TRPM6: variants seen among roughly 807,000 people sequenced by gnomAD.
The protein encoded by TRPM6 is transient receptor potential cation channel subfamily M member 6, also known as channel kinase 2.
In TRPM6, 111 loss-of-function variants were observed where a neutral mutation model predicts 247.6. That is an observed-to-expected ratio of 0.45 (90% CI 0.38 to 0.52). The LOEUF (loss-of-function observed/expected upper bound fraction) is 0.52. Ranked by LOEUF, TRPM6 falls within the 20% of genes least tolerant of loss-of-function variation. The pLI is 0.00. For synonymous variants in TRPM6, 892 were observed against 853.8 expected, an observed-to-expected ratio of 1.04 and a Z score of -0.78; for missense variants, 2,126 against 2,421.5, an observed-to-expected ratio of 0.88 and a Z score of 2.56.
In TRPM6 at chr9:74,875,411, C is replaced by T. The variant is rs112406191; in HGVS notation, c.33+12413G>A. 2,064 of 326,046 alleles carry T rather than the reference C, an allele frequency of 6.3e-3. 37 individuals are homozygous for T. Among genetic ancestry groups the T allele is most frequent in the African/African-American group, 0.041 (1,893 of 46,390 alleles). The allele number at this position is 326,046 out of a possible 1,614,324, so 20.2% of individuals were successfully genotyped here. On this transcript the variant is annotated intron_variant, in intron 1 of 38. Coordinates refer to ENST00000360774, the MANE Select transcript of TRPM6 (RefSeq NM_017662.5). ...TACAAAAATTAGCCAGACGTGGTGG[C>T]GCACGCCTATAGTTACAACTACTCA...
chr9:74,741,038 C>T (rs1240671782), intron 33 of TRPM6, among the ~76,000 whole-genome samples: 1 of 152,050 alleles, frequency 6.6e-6, no homozygotes, highest in African/African-American at 2.4e-5. Flanking sequence ...GATGAAAATA[C>T]TGTTCTCATT....
Position 74,821,883 on chromosome 9 carries a change from C to G in TRPM6, c.842-46G>C, listed in dbSNP as rs774068540. Reference sequence around the variant, plus strand: ...TACCACACTGTTAGAGAATCCCTAGCTCAGCCAGTCGGCCGTTTTGACTTC... The same window carrying G: ...TACCACACTGTTAGAGAATCCCTAGGTCAGCCAGTCGGCCGTTTTGACTTC... On this transcript the variant is annotated intron_variant, in intron 7 of 38. Coordinates refer to ENST00000360774, the MANE Select transcript of TRPM6 (RefSeq NM_017662.5). The G allele has an allele frequency of 1.5e-5, 24 of 1,610,452 alleles. No homozygotes were observed. In the South Asian group the frequency reaches 2.3e-4, roughly 16 times the overall value.
chr9:74,869,378 G>A (rs939238215), intron 1 of TRPM6, among the ~76,000 whole-genome samples: 1 of 151,012 alleles, frequency 6.6e-6, no homozygotes, highest in Non-Finnish European at 1.5e-5. Flanking sequence ...GCTGAGGCAG[G>A]AGAATCACTT....
chr9:74,772,547 T>C (rs1827083648), intron 24 of TRPM6, among the ~76,000 whole-genome samples: 2 of 152,238 alleles, frequency 1.3e-5, no homozygotes, highest in Non-Finnish European at 2.9e-5. Context: ...TTTGATACAT[T>C]CATATAATCA....
Position 74,744,078 on chromosome 9 carries a change from G to A in TRPM6, c.5134+17C>T. 6.2e-7 allele frequency: 1 copy of A among 1,612,776 alleles called. No individual in the cohort carries two copies. The highest frequency in any genetic ancestry group is 8.5e-7 in the Non-Finnish European group (1 of 1,178,812). On this transcript the variant is annotated intron_variant, in intron 32 of 38. Coordinates refer to ENST00000360774, the MANE Select transcript of TRPM6 (RefSeq NM_017662.5). ...CATTTAGCTCAGCTGACATGTCTAT[G>A]TGCATATGCATCCTACCTGAATAAT...
intron 28 of TRPM6, among the ~76,000 whole-genome samples, chr9:74,753,611 G>T (rs1010497996): frequency 6.6e-6 from 1 of 152,040 alleles, no homozygotes; most frequent in Non-Finnish European, 1.5e-5. Flanking sequence ...TGGAAGGATC[G>T]CTTGAGCCCA....
intron 1 of TRPM6, among the ~76,000 whole-genome samples, chr9:74,874,241 CAA>C (rs55659846): frequency 2.8e-3 from 386 of 137,332 alleles, no homozygotes; most frequent in African/African-American, 8.1e-3. Flanking sequence ...GTCTTAAAAA[CAA>C]AAAAAAAAAA....
chr9:74,814,212 T>A (rs1286053005), intron 11 of TRPM6, among the ~76,000 whole-genome samples: 1 of 152,028 alleles, frequency 6.6e-6, no homozygotes, highest in Non-Finnish European at 1.5e-5. Context: ...AAAGACAAAT[T>A]TACATGTGCT....
chr9:74,840,034 G>A lies in TRPM6; in HGVS notation c.534C>T (p.Gly178=). ...GGGAGGGAGCTTTACCTGTATTGAT[G>A]CCTTCAGTTATTATCCACGCTCCTG... ...ETTGAWIITE[G]INTGVSKHVG... The change falls in exon 5 of 39, where the codon GGC becomes GGT. Residue 178 remains glycine (G), a synonymous_variant. Transcript: ENST00000360774. 6.2e-7 allele frequency: 1 copy of A among 1,613,152 alleles called. No individual in the cohort carries two copies. Among genetic ancestry groups the A allele is most frequent in the South Asian group, 1.1e-5 (1 of 91,060 alleles).
intron 1 of TRPM6, among the ~76,000 whole-genome samples, chr9:74,877,440 G>T (rs1176671180): frequency 6.6e-6 from 1 of 152,144 alleles, no homozygotes; most frequent in Admixed American, 6.5e-5. Context: ...TGATGGCATT[G>T]CTCCAGGGAG....
At chr9:74,776,606 A>C (rs1054685631) in intron 23 of TRPM6, among the ~76,000 whole-genome samples, 2 of 152,258 alleles carry the variant, frequency 1.3e-5, no homozygotes, top group Admixed American at 1.3e-4. Flanking sequence ...CAAATTATTT[A>C]CATTAACTTT....
chr9:74,762,849 C>A lies in TRPM6; in HGVS notation c.3822G>T (p.Gln1274His). ...GCAAAGAAGAGGGCATGCTATAATACTGGTATTTCTTCTCTCCAGCGATCT... is the reference window on the plus strand; with the variant it reads ...GCAAAGAAGAGGGCATGCTATAATAATGGTATTTCTTCTCTCCAGCGATCT... ...SMEIAGEKKY[Q>H]YYSMPSSLLR... Residue 1274 changes from glutamine (Q) to histidine (H), a missense_variant, in exon 26 of 39, where the codon CAG (glutamine) becomes CAT (histidine). Gln to His is a conservative substitution (Grantham distance 24, BLOSUM62 0). This residue lies in a region of TRPM6 where 717 missense variants were observed against 715.9 expected (regional missense o/e 1.00). Transcript: ENST00000360774. 1.9e-6 allele frequency: 3 copies of A among 1,614,058 alleles called. No individual in the cohort carries two copies. Among genetic ancestry groups the A allele is most frequent in the Non-Finnish European group, 2.5e-6 (3 of 1,179,994 alleles).
chr9:74,856,231 G>T (rs1293060364), intron 2 of TRPM6, among the ~76,000 whole-genome samples: 1 of 152,066 alleles, frequency 6.6e-6, no homozygotes, highest in Non-Finnish European at 1.5e-5. Context: ...TTGAGTTCAG[G>T]AGTCCAAGAC....
At chr9:74,871,029 C>T (rs1220990840) in intron 1 of TRPM6, among the ~76,000 whole-genome samples, 1 of 152,062 alleles carries the variant, frequency 6.6e-6, no homozygotes, top group Non-Finnish European at 1.5e-5. Flanking sequence ...TTCAAGTAAA[C>T]CCTCTATAAC....
chr9:74,887,883 A>C lies in TRPM6; in HGVS notation c.-27T>G. On this transcript the variant is annotated 5_prime_UTR_variant, in exon 1 of 39. Coordinates refer to ENST00000360774, the MANE Select transcript of TRPM6 (RefSeq NM_017662.5). The stretch of plus-strand genomic sequence containing the variant: ...TTTGATTTGCAGGCCCTGCTCCCAA[A>C]GCCCTGTCTGAGCTTTTAACTGTGG... 6.2e-7 allele frequency: 1 copy of C among 1,613,994 alleles called. No homozygotes were observed. Among genetic ancestry groups the C allele is most frequent in the Non-Finnish European group, 8.5e-7 (1 of 1,180,020 alleles).
At chr9:74,758,862 T>C (rs1271283212) in intron 27 of TRPM6, among the ~76,000 whole-genome samples, 1 of 152,142 alleles carries the variant, frequency 6.6e-6, no homozygotes, top group East Asian at 1.9e-4. Context: ...GTAGATGACA[T>C]GGTCATGTAT....
rs1587549970 is a variant in TRPM6, at chr9:74,827,612, GGA to G, written c.841+164_841+165del. ...TGTCATTTGGATTGGATACATGGAGGGAGAGAGGAGGGGAGATGCCCATGTGG... is the reference window on the plus strand; with the variant it reads ...TGTCATTTGGATTGGATACATGGAGGGAGAGGAGGGGAGATGCCCATGTGG... On this transcript the variant is annotated intron_variant, in intron 7 of 38. Transcript: ENST00000360774. 1.4e-5 allele frequency: 10 copies of G among 734,112 alleles called. No individual in the cohort carries two copies. The East Asian group carries it at 2.7e-4, about 20-fold the overall frequency. 45.5% of individuals were successfully genotyped at this position (734,112 alleles called of 1,614,324 possible).
At position 74,864,228 on chromosome 9, in the gene TRPM6, T is replaced by A. The variant is rs1830777173; in HGVS notation, c.34-5480A>T. ...GGTCAAATAGACAATATTTTCAGAC[T>A]CCAGATCAACATTTGTTATTTTTTC... is the stretch of plus-strand genomic sequence containing the variant. On this transcript the variant is annotated intron_variant, in intron 1 of 38. Transcript: ENST00000360774. Among the ~76,000 whole-genome samples the A allele has an allele frequency of 2.6e-5, 4 of 152,316 alleles. No individual in the cohort carries two copies. In the South Asian group the frequency reaches 8.3e-4, roughly 32 times the overall value.
At chr9:74,830,437 C>T (rs1418830250) in intron 6 of TRPM6, among the ~76,000 whole-genome samples, 1 of 152,106 alleles carries the variant, frequency 6.6e-6, no homozygotes, top group Admixed American at 6.6e-5. Context: ...TTCTGTCACC[C>T]AGGCTGGAGT....
Sources: allele counts gnomAD v4.1 joint callset (sites outside exome capture counted in the v4.1 genomes callset), GRCh38; gene constraint gnomAD v4.1.1; regional missense constraint gnomAD v4.1.1; transcripts MANE v1.5; gene names NCBI Gene and HGNC (gene_info 2026-07-23, HGNC 2026-07-21).